The following GAL3ST1 variants were observed in gnomAD, a reference collection of about 807,000 sequenced individuals.
The protein encoded by GAL3ST1 is galactose-3-O-sulfotransferase 1, also known as galactosylceramide sulfotransferase.
A neutral mutation model predicts 25.0 loss-of-function variants in GAL3ST1; 13 were observed. That is an observed-to-expected ratio of 0.52 (90% confidence interval 0.34 to 0.83). The LOEUF is 0.83. Among genes scored for constraint, GAL3ST1 ranks in the 40% least tolerant of loss-of-function variants. The pLI, the probability that GAL3ST1 is intolerant of heterozygous loss-of-function variation, is 0.02. For synonymous variants in GAL3ST1, 274 were observed against 277.8 expected, an observed-to-expected ratio of 0.99 and a Z score of 0.14; for missense variants, 474 against 613.6, an observed-to-expected ratio of 0.77 and a Z score of 2.40.
At position 30,555,818 on chromosome 22, in the gene GAL3ST1, T is replaced by C; in HGVS notation, c.407A>G (p.Asn136Ser). Residue 136 changes from asparagine to serine, a missense_variant, in exon 4 of 4, where the codon AAC becomes AGC. Asn to Ser is a conservative substitution (Grantham distance 46). This residue lies in a region of GAL3ST1 where 359 missense variants were observed against 504.4 expected (regional missense o/e 0.71). Transcript: ENST00000406361. The surrounding 1 kb of genome is among the most constrained non-coding windows in gnomAD (Gnocchi z 8.6). ...VQDYRPGACFNIICNHMRFHY... is the reference protein window; with the variant it reads ...VQDYRPGACFSIICNHMRFHY... ...GAAGCGCATGTGGTTGCAGATGATG[T>C]TGAAGCAGGCCCCGGGCCGATAGTC... is the stretch of plus-strand genomic sequence containing the variant. 6.2e-7 allele frequency: 1 copy of C among 1,614,110 alleles called. No individual in the cohort carries two copies.
At chr22:30,567,638 T>C (rs2086663033) in intron 1 of GAL3ST1, among the ~76,000 whole-genome samples, 1 of 152,098 alleles carries the variant, frequency 6.6e-6, no homozygotes, top group African/African-American at 2.4e-5. Flanking sequence ...TATCGATAAA[T>C]TGTGGACATC....
chr22:30,570,270 A>G (rs2086741183), intron 1 of GAL3ST1, among the ~76,000 whole-genome samples: 1 of 152,166 alleles, frequency 6.6e-6, no homozygotes, highest in African/African-American at 2.4e-5. Flanking sequence ...GTGGAGCAAA[A>G]CAACTCTCCC....
At chr22:30,560,085 G>T (rs557291738) in intron 1 of GAL3ST1, among the ~76,000 whole-genome samples, 2 of 152,164 alleles carry the variant, frequency 1.3e-5, no homozygotes, top group Admixed American at 1.3e-4. Flanking sequence ...AGAGGTTACC[G>T]TGAGCCAAGG....
chr22:30,559,157 C>G (rs1429714969), intron 1 of GAL3ST1, among the ~76,000 whole-genome samples: 1 of 141,522 alleles, frequency 7.1e-6, no homozygotes. Flanking sequence ...GACTCTGTCT[C>G]AAAAAAAAAA....
Position 30,555,609 on chromosome 22 carries a change from G to A in GAL3ST1, c.616C>T (p.Pro206Ser). The change falls in exon 4 of 4, where the codon CCC becomes TCC. Residue 206 changes from proline (P) to serine (S), a missense_variant. This residue lies in a region of GAL3ST1 where 359 missense variants were observed against 504.4 expected (regional missense o/e 0.71). Transcript: ENST00000406361. The surrounding 1 kb of genome is among the most constrained non-coding windows in gnomAD (Gnocchi z 8.6). ...FLQDPDRYYD[P>S]NGFNAHYLRN... ...AGGTAGTGGGCATTGAAGCCGTTGG[G>A]GTCGTAGTAGCGATCCGGGTCTTGC... is the stretch of plus-strand genomic sequence containing the variant. 1 of 1,613,624 alleles carries A rather than the reference G, an allele frequency of 6.2e-7. No homozygotes were observed. Among genetic ancestry groups the A allele is most frequent in the Non-Finnish European group, 8.5e-7 (1 of 1,180,030 alleles).
intron 1 of GAL3ST1, among the ~76,000 whole-genome samples, chr22:30,561,979 G>A (rs1468516995): frequency 6.6e-6 from 1 of 152,222 alleles, no homozygotes; most frequent in African/African-American, 2.4e-5. Flanking sequence ...GAGCCCCTGG[G>A]CAGACTGAGG....
At chr22:30,562,660 T>C (rs2146393075) in intron 1 of GAL3ST1, among the ~76,000 whole-genome samples, 1 of 152,268 alleles carries the variant, frequency 6.6e-6, no homozygotes, top group East Asian at 1.9e-4. Flanking sequence ...GGTGAATGTG[T>C]GATGAATGAC....
Position 30,555,146 on chromosome 22 carries a change from T to A in GAL3ST1, c.1079A>T (p.Glu360Val). Residue 360 changes from glutamate to valine, a missense_variant, in exon 4 of 4, where the codon GAG (glutamate) becomes GTG (valine). By Grantham distance (121) the Glu-to-Val change is moderately radical (BLOSUM62 -2). Transcript: ENST00000406361. The surrounding 1 kb of genome is among the most constrained non-coding windows in gnomAD (Gnocchi z 8.6). ...CAGCGGCTGCCAGGGCTGCATGGCCTCGTCCTGGATGGCGGCGGCGTCCAC... is the reference window on the plus strand; with the variant it reads ...CAGCGGCTGCCAGGGCTGCATGGCCACGTCCTGGATGGCGGCGGCGTCCAC... ...HAVDAAAIQDEAMQPWQPLGT... is the reference protein window; with the variant it reads ...HAVDAAAIQDVAMQPWQPLGT... 1 of 1,608,946 alleles carries A rather than the reference T, an allele frequency of 6.2e-7. No individual in the cohort carries two copies. Among genetic ancestry groups the A allele is most frequent in the Non-Finnish European group, 8.5e-7 (1 of 1,178,608 alleles).
In GAL3ST1 at chr22:30,555,289, G is replaced by A. The variant is rs770890117; in HGVS notation, c.936C>T (p.Asn312=). 3.1e-6 allele frequency: 5 copies of A among 1,603,948 alleles called. No homozygotes were observed. Among genetic ancestry groups the A allele is most frequent in the African/African-American group, 1.3e-5 (1 of 74,938 alleles). The change falls in exon 4 of 4, where the codon AAC becomes AAT. Residue 312 remains asparagine (N), a synonymous_variant. Coordinates refer to ENST00000406361, the MANE Select transcript of GAL3ST1 (RefSeq NM_001318104.2). The surrounding 1 kb of genome is among the most constrained non-coding windows in gnomAD (Gnocchi z 8.6). ...CCTCCACCTTGCGCCAGAAGCTGGC[G>A]TTGAAGTGGCGGTAGAGGTGGGAGT... The part of the protein sequence containing the change: ...MLDSHLYRHF[N]ASFWRKVEAF...
intron 1 of GAL3ST1, among the ~76,000 whole-genome samples, chr22:30,568,255 G>T (rs1023296167): frequency 1.3e-5 from 2 of 152,226 alleles, no homozygotes; most frequent in Non-Finnish European, 2.9e-5. Context: ...AAGCTGTTGT[G>T]TGGTCTCCAA....
At chr22:30,568,610 T>A (rs1045244854) in intron 1 of GAL3ST1, among the ~76,000 whole-genome samples, 2 of 152,234 alleles carry the variant, frequency 1.3e-5, no homozygotes, top group Non-Finnish European at 2.9e-5. Flanking sequence ...TTAACTAATA[T>A]GCCTGTTACC....
intron 1 of GAL3ST1, among the ~76,000 whole-genome samples, chr22:30,559,862 T>C (rs1366373269): frequency 6.6e-6 from 1 of 152,242 alleles, no homozygotes; most frequent in Non-Finnish European, 1.5e-5. Flanking sequence ...TTTCTACTCT[T>C]GTCCCGAACT....
chr22:30,561,526 G>A (rs1033415118), intron 1 of GAL3ST1, among the ~76,000 whole-genome samples: 4 of 152,224 alleles, frequency 2.6e-5, no homozygotes, highest in African/African-American at 4.8e-5. Flanking sequence ...TCAGCAAAGC[G>A]GGGGCAGGGC....
chr22:30,557,401 C>A lies in GAL3ST1; in HGVS notation c.-9G>T. ...TTCTGCGGTGGCAGCATCTCAGACA[C>A]CTGCAGGGGCAGCACAGAGTAGGGC... On this transcript the variant is annotated splice_region_variant and 5_prime_UTR_variant, in exon 3 of 4. Transcript: ENST00000406361. The A allele has an allele frequency of 6.2e-7, 1 of 1,614,086 alleles. No individual in the cohort carries two copies. The highest frequency in any genetic ancestry group is 8.5e-7 in the Non-Finnish European group (1 of 1,179,998).
rs1249336206 is a variant in GAL3ST1, at chr22:30,556,018, C to A, written c.207G>T (p.Ala69=). ...TGTTGCGCCGCGGCTGGCACTCCCC[C>A]GCCGAGCCGTTGGCCCGGATCACTG... ...PEAVIRANGS[A]GECQPRRNIV... Residue 69 remains alanine, a synonymous_variant, in exon 4 of 4, where the codon GCG becomes GCT. Transcript: ENST00000406361. 1 of 1,612,688 alleles carries A rather than the reference C, an allele frequency of 6.2e-7. No homozygotes were observed.
intron 1 of GAL3ST1, among the ~76,000 whole-genome samples, chr22:30,559,892 C>T: frequency 6.6e-6 from 1 of 152,248 alleles, no homozygotes; most frequent in East Asian, 1.9e-4. Flanking sequence ...TGTCCTGGCT[C>T]ACACTGCACT....
rs1179232510 is a variant in GAL3ST1 at position 30,555,331 on chromosome 22, G to A, written c.894C>T (p.Thr298=). ...RLSGELYGRA[T]AWNMLDSHLY... is the part of the protein sequence containing the mutation. ...GGTGGGAGTCCAGCATGTTCCAGGC[G>A]GTGGCGCGCCCATACAGCTCCCCCG... The change falls in exon 4 of 4, where the codon ACC becomes ACT. Residue 298 remains threonine (T), a synonymous_variant. Coordinates refer to ENST00000406361, the MANE Select transcript of GAL3ST1 (RefSeq NM_001318104.2). The surrounding 1 kb of genome is among the most constrained non-coding windows in gnomAD (Gnocchi z 8.6). The A allele has an allele frequency of 2.5e-6, 4 of 1,607,246 alleles. No homozygotes were observed. Among genetic ancestry groups the A allele is most frequent in the Admixed American group, 1.7e-5 (1 of 59,954 alleles).
intron 1 of GAL3ST1, among the ~76,000 whole-genome samples, chr22:30,561,818 C>A (rs2086424553): frequency 6.6e-6 from 1 of 152,176 alleles, no homozygotes; most frequent in African/African-American, 2.4e-5. Flanking sequence ...CCTGAGGGGT[C>A]CAAGGCTGGT....
At chr22:30,557,011 A>G (rs2086074125) in intron 3 of GAL3ST1, among the ~76,000 whole-genome samples, 1 of 152,242 alleles carries the variant, frequency 6.6e-6, no homozygotes, top group Non-Finnish European at 1.5e-5. Context: ...CTAGGATTAC[A>G]GGCGTGAGTT....
Sources: gnomAD v4.1 joint callset for allele counts (sites outside exome capture counted in the v4.1 genomes callset) on GRCh38, gnomAD v4.1.1 for gene constraint, gnomAD v4.1.1 regional missense constraint, Gnocchi (gnomAD v3.1) non-coding constraint, MANE v1.5 for transcripts, NCBI Gene and HGNC (gene_info 2026-07-23, HGNC 2026-07-21) for gene names.